The following SNX29 variants were observed in gnomAD, a reference collection of about 807,000 sequenced individuals.
SNX29 encodes sorting nexin 29, also known as sorting nexin-29.
SNX29 carries 78 observed loss-of-function variants against 102.1 expected under a neutral mutation model. The observed-to-expected ratio is 0.76, with a 90% CI of 0.64 to 0.92. SNX29 has a LOEUF of 0.92. SNX29 is among the 40% of genes least tolerant of loss of function. The pLI, the probability that SNX29 is intolerant of heterozygous loss-of-function variation, is 0.00. For missense variants in SNX29, 1,280 were observed against 1,061.7 expected, an observed-to-expected ratio of 1.21 and a Z score of -2.86; for synonymous variants, 580 against 414.5, an observed-to-expected ratio of 1.40 and a Z score of -4.85.
At chr16:12,073,632 A>T (rs1392650928) in intron 10 of SNX29, among the ~76,000 whole-genome samples, 1 of 152,172 alleles carries the variant, frequency 6.6e-6, no homozygotes, top group African/African-American at 2.4e-5. Flanking sequence ...TGCTGAAAAA[A>T]ATATATATTC....
intron 15 of SNX29, among the ~76,000 whole-genome samples, chr16:12,295,377 C>T (rs1415404353): frequency 1.3e-5 from 2 of 152,262 alleles, no homozygotes; most frequent in Non-Finnish European, 2.9e-5. Context: ...TTCCTACCAA[C>T]CCAAGGACTT....
At chr16:12,215,561 G>C (rs909440191) in intron 14 of SNX29, among the ~76,000 whole-genome samples, 4 of 152,096 alleles carry the variant, frequency 2.6e-5, no homozygotes, top group African/African-American at 7.2e-5. Flanking sequence ...GCTCCAGAGG[G>C]GGGTGCCTGG....
rs182531023 is a variant in SNX29, at chr16:12,212,293, C to T, written c.1678+12610C>T. Reference sequence around the variant, plus strand: ...GAGCCAGGTTAGAGTGGGAGGGACTCGGAAGTGGACATCAGGGTTGGCGGA... The same window carrying T: ...GAGCCAGGTTAGAGTGGGAGGGACTTGGAAGTGGACATCAGGGTTGGCGGA... On this transcript the variant is annotated intron_variant, in intron 14 of 20. Transcript: ENST00000566228. Among the ~76,000 whole-genome samples, 351 of 152,264 alleles carry T rather than the reference C, an allele frequency of 2.3e-3. 1 individual carries two copies. The highest frequency in any genetic ancestry group is 3.4e-3 in the Middle Eastern group (1 of 294).
intron 15 of SNX29, among the ~76,000 whole-genome samples, chr16:12,306,862 G>C (rs902658857): frequency 6.6e-6 from 1 of 152,194 alleles, no homozygotes; most frequent in African/African-American, 2.4e-5. Context: ...TGTCTTTTGG[G>C]GAGGTGGGTA....
intron 13 of SNX29, among the ~76,000 whole-genome samples, chr16:12,147,183 C>G (rs966926010): frequency 2.0e-5 from 3 of 152,226 alleles, no homozygotes; most frequent in African/African-American, 7.2e-5. Context: ...GTACCCAATG[C>G]CAGATGTTCC....
intron 15 of SNX29, among the ~76,000 whole-genome samples, chr16:12,279,276 G>GT (rs1425793314): frequency 5.3e-5 from 8 of 152,344 alleles, no homozygotes; most frequent in Admixed American, 5.2e-4. Flanking sequence ...CTTGGAGGGT[G>GT]TTCCCCTAAG....
intron 13 of SNX29, among the ~76,000 whole-genome samples, chr16:12,140,363 C>A (rs1567242646): frequency 6.6e-6 from 1 of 152,230 alleles, no homozygotes; most frequent in South Asian, 2.1e-4. Context: ...TTCACTCTCT[C>A]ATTTCCCGGG....
rs1187945628 is a variant in SNX29, at chr16:12,572,580, C to G, written c.*3951C>G. On this transcript the variant is annotated 3_prime_UTR_variant, in exon 21 of 21. Coordinates refer to ENST00000566228, the MANE Select transcript of SNX29 (RefSeq NM_032167.5). ...CCTCACAGGGAGGTCCAGCCATGTT[C>G]TCTGGGCTCCCAGTGAGCCCCCTCC... is the stretch of plus-strand genomic sequence containing the variant. The G allele has an allele frequency of 1.9e-6, 2 of 1,064,358 alleles. No homozygotes were observed. Among genetic ancestry groups the G allele is most frequent in the Non-Finnish European group, 2.3e-6 (2 of 878,620 alleles). The allele number at this position is 1,064,358 out of a possible 1,614,324, so 65.9% of individuals were successfully genotyped here. A position where few individuals can be genotyped will look rare whatever the true frequency, so the allele number is the denominator to read the frequency against.
rs570402723 is a variant in SNX29 at position 12,168,220 on chromosome 16, C to T, written c.1596-31381C>T. ...GTGCTTGCATGTCTATGCTGGAGGG[C>T]GGGGATCCAGGCAGTTTCGCTGGTG... On this transcript the variant is annotated intron_variant, in intron 13 of 20. Transcript: ENST00000566228. Among the ~76,000 whole-genome samples the T allele has an allele frequency of 3.0e-4, 46 of 152,146 alleles. 1 individual carries two copies. In the South Asian group the frequency reaches 8.3e-3, roughly 28 times the overall value.
chr16:12,376,310 G>A (rs998511213), intron 16 of SNX29, among the ~76,000 whole-genome samples: 3 of 152,190 alleles, frequency 2.0e-5, no homozygotes, highest in African/African-American at 4.8e-5. Context: ...CCGAGCAATC[G>A]CTAGTTATTT....
intron 20 of SNX29, among the ~76,000 whole-genome samples, chr16:12,542,322 G>A (rs537634168): frequency 2.0e-5 from 3 of 152,316 alleles, no homozygotes; most frequent in African/African-American, 7.2e-5. Flanking sequence ...TTTTAGAGCT[G>A]CTGTTAGAGC....
intron 14 of SNX29, among the ~76,000 whole-genome samples, chr16:12,272,216 C>T (rs1024349261): frequency 6.6e-6 from 1 of 152,156 alleles, no homozygotes; most frequent in Admixed American, 6.5e-5. Context: ...TAAATATAGT[C>T]CTAGAGGGGC....
chr16:12,344,093 CTT>C (rs979443648), intron 15 of SNX29, among the ~76,000 whole-genome samples: 25 of 152,304 alleles, frequency 1.6e-4, no homozygotes, highest in African/African-American at 6.0e-4. Flanking sequence ...CATTCACTCT[CTT>C]GTCTGCCGCC....
chr16:12,244,655 C>G (rs2078209633), intron 14 of SNX29, among the ~76,000 whole-genome samples: 1 of 152,084 alleles, frequency 6.6e-6, no homozygotes, highest in Non-Finnish European at 1.5e-5. Context: ...TGGAGGGTTT[C>G]TTGTGTGCTT....
chr16:12,153,765 A>G (rs939063694), intron 13 of SNX29, among the ~76,000 whole-genome samples: 12 of 151,924 alleles, frequency 7.9e-5, no homozygotes, highest in Non-Finnish European at 1.5e-5. Flanking sequence ...GGAGTGAACC[A>G]CTGTGCACAG....
intron 14 of SNX29, among the ~76,000 whole-genome samples, chr16:12,212,208 G>T (rs899087316): frequency 6.6e-6 from 1 of 152,120 alleles, no homozygotes; most frequent in African/African-American, 2.4e-5. Context: ...GAAAAAATGC[G>T]CCATGTTCGC....
chr16:12,008,891 G>A (rs984662261), intron 3 of SNX29, among the ~76,000 whole-genome samples: 3 of 151,778 alleles, frequency 2.0e-5, no homozygotes, highest in African/African-American at 7.3e-5. Flanking sequence ...ATAGGTGCGC[G>A]CCTCCAGGCC....
In SNX29 at chr16:12,446,047, CTTTTTTTTTT is replaced by C. The variant is rs60889973; in HGVS notation, c.2038-31655_2038-31646del. On this transcript the variant is annotated intron_variant, in intron 18 of 20. Coordinates refer to ENST00000566228, the MANE Select transcript of SNX29 (RefSeq NM_032167.5). Reference sequence around the variant, plus strand: ...GCAGTTGAAACAGTAGCTTCTCATTCTTTTTTTTTTTTTTTTTTTTTTTTTTGAGACAGAG... The same window carrying C: ...GCAGTTGAAACAGTAGCTTCTCATTCTTTTTTTTTTTTTTTTGAGACAGAG... 1.6e-4 allele frequency among the ~76,000 whole-genome samples: 16 copies of C among 98,596 alleles called. No individual in the cohort carries two copies. The East Asian group carries it at 4.1e-3, about 25-fold the overall frequency. 64.7% of individuals were successfully genotyped at this position (98,596 alleles called of 152,430 possible). A position where few individuals can be genotyped will look rare whatever the true frequency, so the allele number is the denominator to read the frequency against.
chr16:12,412,979 G>A (rs544681641), intron 18 of SNX29, among the ~76,000 whole-genome samples: 30 of 152,326 alleles, frequency 2.0e-4, no homozygotes, highest in African/African-American at 7.2e-4. Flanking sequence ...GCGCCCAGAA[G>A]TAACCCATCC....
Sources: allele counts gnomAD v4.1 joint callset (sites outside exome capture counted in the v4.1 genomes callset), GRCh38; gene constraint gnomAD v4.1.1; transcripts MANE v1.5; gene names NCBI Gene and HGNC (gene_info 2026-07-23, HGNC 2026-07-21).